Variants in RABGAP1L observed in about 807,000 individuals in gnomAD.
The protein encoded by RABGAP1L is RAB GTPase activating protein 1 like.
RABGAP1L carries 63 observed loss-of-function variants against 137.7 expected under a neutral mutation model. The ratio of observed to expected loss-of-function variants is 0.46; its 90% CI spans 0.37 to 0.56. The LOEUF is 0.56. Ranked by LOEUF, RABGAP1L falls within the 20% of genes least tolerant of loss-of-function variation. The pLI is 0.00. For synonymous variants in RABGAP1L, 431 were observed against 433.7 expected (o/e 0.99, Z 0.08); for missense variants, 1,095 against 1,244.0 (o/e 0.88, Z 1.80).
intron 19 of RABGAP1L, among the ~76,000 whole-genome samples, chr1:174,828,586 C>T (rs187678556): frequency 2.0e-5 from 3 of 148,578 alleles, no homozygotes; most frequent in East Asian, 4.2e-4. Context: ...TGATCTCCTT[C>T]GAGTATGAGT....
intron 13 of RABGAP1L, 145 bp downstream of exon 13, chr1:174,394,290 C>T: frequency 1.1e-6 from 1 of 904,926 alleles, no homozygotes; most frequent in East Asian, 2.7e-5. Flanking sequence ...ACCTTTTGTT[C>T]TGAACACTTG....
chr1:174,704,281 C>T (rs1419511215), intron 17 of RABGAP1L, among the ~76,000 whole-genome samples: 1 of 152,176 alleles, frequency 6.6e-6, no homozygotes, highest in East Asian at 1.9e-4. Flanking sequence ...CCAGATTCCT[C>T]TTTCTTAAAA....
chr1:174,444,506 A>G (rs919954853), intron 13 of RABGAP1L, among the ~76,000 whole-genome samples: 3 of 152,068 alleles, frequency 2.0e-5, no homozygotes, highest in Admixed American at 2.0e-4. Context: ...GAATAGTTTG[A>G]GTGGAGTTGG....
chr1:174,364,501 G>A (rs1289135335), intron 11 of RABGAP1L, among the ~76,000 whole-genome samples: 5 of 151,608 alleles, frequency 3.3e-5, no homozygotes, highest in East Asian at 1.9e-4. Context: ...TGATCCACCC[G>A]CCTCGGCCTC....
intron 13 of RABGAP1L, chr1:174,545,683 T>A (rs1451559583): frequency 6.5e-6 from 1 of 153,912 alleles, no homozygotes; most frequent in African/African-American, 2.4e-5. Context: ...CTGGGAGCTG[T>A]AGACTGGAGC....
chr1:174,686,049 G>A (rs1354138085), intron 15 of RABGAP1L, among the ~76,000 whole-genome samples: 1 of 152,176 alleles, frequency 6.6e-6, no homozygotes, highest in Admixed American at 6.5e-5. Context: ...CCCAGGAACA[G>A]CAAACATTTG....
intron 13 of RABGAP1L, among the ~76,000 whole-genome samples, chr1:174,600,562 C>CA (rs199950030): frequency 2.1e-4 from 32 of 151,166 alleles, no homozygotes; most frequent in Non-Finnish European, 3.5e-4. Flanking sequence ...AGAAATTGGC[C>CA]AAAAAAAAGG....
chr1:174,638,166 T>A (rs1266228816), intron 14 of RABGAP1L, among the ~76,000 whole-genome samples: 1 of 152,158 alleles, frequency 6.6e-6, no homozygotes, highest in African/African-American at 2.4e-5. Flanking sequence ...AGATGGTTAA[T>A]GAATAATGAA....
chr1:174,865,059 C>T (rs574859721), intron 19 of RABGAP1L, among the ~76,000 whole-genome samples: 208 of 152,024 alleles, frequency 1.4e-3, no homozygotes, highest in African/African-American at 4.5e-3. Flanking sequence ...TTGAGGCTGC[C>T]GTAAGCCAAG....
chr1:174,394,155 A>G lies in RABGAP1L; in HGVS notation c.1710+10A>G, dbSNP rs777835006. ...AATTCTTATCACAAAGGTAGGAAGA[A>G]GTTCTTTTCATATTATTTTCATTGG... On this transcript the variant is annotated intron_variant, in intron 13 of 25. Transcript: ENST00000681986. 24 of 1,607,904 alleles carry G rather than the reference A, an allele frequency of 1.5e-5. No individual in the cohort carries two copies. In the African/African-American group the frequency reaches 2.1e-4, roughly 14 times the overall value.
At chr1:174,617,562 A>G (rs573711840) in intron 13 of RABGAP1L, among the ~76,000 whole-genome samples, 74 of 152,330 alleles carry the variant, frequency 4.9e-4, no homozygotes, top group Non-Finnish European at 7.6e-4. Context: ...TGCATCTTCT[A>G]CTTTTAGGTA....
intron 17 of RABGAP1L, among the ~76,000 whole-genome samples, chr1:174,718,229 A>C (rs889819150): frequency 1.6e-4 from 24 of 152,004 alleles, no homozygotes; most frequent in African/African-American, 5.8e-4. Context: ...ACCTAATTTC[A>C]CCTGGGAAAA....
At chr1:174,809,942 C>G (rs1689709648) in intron 18 of RABGAP1L, among the ~76,000 whole-genome samples, 1 of 152,200 alleles carries the variant, frequency 6.6e-6, no homozygotes, top group African/African-American at 2.4e-5. Context: ...TAAGCATTCT[C>G]CACCACTTGT....
At chr1:174,513,947 T>G (rs1662575139) in intron 13 of RABGAP1L, among the ~76,000 whole-genome samples, 6 of 152,086 alleles carry the variant, frequency 3.9e-5, no homozygotes, top group Admixed American at 2.0e-4. Context: ...GTGATTACTT[T>G]GGGATGACAC....
chr1:174,767,865 G>A (rs897206390), intron 18 of RABGAP1L, among the ~76,000 whole-genome samples: 9 of 152,190 alleles, frequency 5.9e-5, no homozygotes, highest in African/African-American at 1.9e-4. Flanking sequence ...AATCATGCCT[G>A]AAGGTGAAAG....
intron 1 of RABGAP1L, among the ~76,000 whole-genome samples, chr1:174,193,675 A>C (rs1220323091): frequency 1.3e-5 from 2 of 151,946 alleles, no homozygotes; most frequent in African/African-American, 4.8e-5. Context: ...AACATTAAAC[A>C]GAATGCCAGG....
At chr1:174,461,430 G>T (rs1249870140) in intron 13 of RABGAP1L, among the ~76,000 whole-genome samples, 2 of 152,186 alleles carry the variant, frequency 1.3e-5, no homozygotes, top group Non-Finnish European at 2.9e-5. Flanking sequence ...TGGTGTGATT[G>T]TCTAACAAGC....
intron 19 of RABGAP1L, among the ~76,000 whole-genome samples, chr1:174,823,838 G>A (rs1334736269): frequency 6.6e-6 from 1 of 152,154 alleles, no homozygotes; most frequent in Non-Finnish European, 1.5e-5. Flanking sequence ...CAATTATTAT[G>A]TATCAGTAAA....
At chr1:174,399,882 C>T (rs140396429) in intron 13 of RABGAP1L, among the ~76,000 whole-genome samples, 161 of 152,174 alleles carry the variant, frequency 1.1e-3, no homozygotes, top group African/African-American at 3.4e-3. Flanking sequence ...GTCCCTCCCA[C>T]GACACATGAG....
Sources: gnomAD v4.1 joint callset for allele counts (sites outside exome capture counted in the v4.1 genomes callset) on GRCh38, gnomAD v4.1.1 for gene constraint, MANE v1.5 for transcripts, NCBI Gene and HGNC (gene_info 2026-07-23, HGNC 2026-07-21) for gene names.